Variants in KIF18A observed in about 807,000 individuals in gnomAD.
The protein encoded by KIF18A is kinesin family member 18A, also known as kinesin-like protein KIF18A.
In KIF18A, 67 loss-of-function variants were observed where a neutral mutation model predicts 103.3. The ratio of observed to expected loss-of-function variants is 0.65; its 90% CI spans 0.53 to 0.79. The LOEUF is 0.79. Among genes scored for constraint, KIF18A ranks in the 30% least tolerant of loss-of-function variants. KIF18A has a pLI of 0.00. For synonymous variants in KIF18A, 367 were observed against 355.5 expected, an observed-to-expected ratio of 1.03 and a Z score of -0.36; for missense variants, 1,032 against 1,062.5, an observed-to-expected ratio of 0.97 and a Z score of 0.40.
intron 5 of KIF18A, among the ~76,000 whole-genome samples, chr11:28,089,192 G>T (rs1030932138): frequency 6.6e-6 from 1 of 152,098 alleles, no homozygotes; most frequent in African/African-American, 2.4e-5. Flanking sequence ...ACCTGTATAT[G>T]TCCTCATAAT....
At position 28,020,627 on chromosome 11, in the gene KIF18A, A is replaced by C. The variant is rs1447981074; in HGVS notation, c.*573T>G. 1 of 152,026 alleles carries C rather than the reference A, an allele frequency of 6.6e-6. No individual in the cohort carries two copies. Among genetic ancestry groups the C allele is most frequent in the Non-Finnish European group, 1.5e-5 (1 of 67,998 alleles). The allele number at this position is 152,026 out of a possible 1,614,324, so 9.4% of individuals were successfully genotyped here. A position where few individuals can be genotyped will look rare whatever the true frequency, so the allele number is the denominator to read the frequency against. ...GAGACAAGAAAATGAAACACTTTAA[A>C]ATCTACATCTTTAATATATCAAGTA... On this transcript the variant is annotated 3_prime_UTR_variant, in exon 17 of 17. Transcript: ENST00000263181.
At chr11:28,084,886 T>TG (rs1195285012) in intron 6 of KIF18A, 78 bp from the exon 7 acceptor site, 4 of 1,112,942 alleles carry the variant, frequency 3.6e-6, no homozygotes, top group African/African-American at 3.1e-5. Flanking sequence ...CACTTCACTG[T>TG]GGGGGGAGGA....
chr11:28,069,382 A>C lies in KIF18A; in HGVS notation c.1467T>G (p.Thr489=), dbSNP rs1168074770. The stretch of plus-strand genomic sequence containing the variant: ...TCCTTTTCTCCAGGTAGGAGCGACG[A>C]GTTTTCAACATTGCAAGTCTATGAT... ...KRDHRLAMLK[T]RRSYLEKRRE... is the part of the protein sequence containing the mutation. The change falls in exon 11 of 17, where the codon ACT becomes ACG. Residue 489 remains threonine (T), a synonymous_variant. Coordinates refer to ENST00000263181, the MANE Select transcript of KIF18A (RefSeq NM_031217.4). The C allele has an allele frequency of 6.2e-7, 1 of 1,613,760 alleles. No individual in the cohort carries two copies. Among genetic ancestry groups the C allele is most frequent in the Non-Finnish European group, 8.5e-7 (1 of 1,179,802 alleles).
intron 11 of KIF18A, among the ~76,000 whole-genome samples, chr11:28,064,318 C>G (rs540784029): frequency 6.6e-6 from 1 of 151,890 alleles, no homozygotes; most frequent in South Asian, 2.1e-4. Flanking sequence ...AAATATATGC[C>G]CTTTATGGAG....
chr11:28,079,910 C>CTTTCTTTT (rs1356014335), intron 9 of KIF18A, among the ~76,000 whole-genome samples: 2 of 152,066 alleles, frequency 1.3e-5, no homozygotes, highest in Non-Finnish European at 2.9e-5. Context: ...TACTGTATTA[C>CTTTCTTTT]TAACTGCTTT....
intron 13 of KIF18A, among the ~76,000 whole-genome samples, chr11:28,058,189 AAG>A (rs2133524615): frequency 6.6e-6 from 1 of 152,232 alleles, no homozygotes; most frequent in Non-Finnish European, 1.5e-5. Context: ...TTATGAGAGA[AAG>A]AGAAATATCA....
intron 13 of KIF18A, among the ~76,000 whole-genome samples, chr11:28,052,438 T>C (rs1183467030): frequency 2.0e-5 from 3 of 151,690 alleles, no homozygotes; most frequent in Non-Finnish European, 4.4e-5. Flanking sequence ...TCACCAGCCT[T>C]TGAATATGTC....
At chr11:28,103,750 A>G (rs1369005464) in intron 1 of KIF18A, among the ~76,000 whole-genome samples, 1 of 152,154 alleles carries the variant, frequency 6.6e-6, no homozygotes, top group Admixed American at 6.5e-5. Context: ...AAGAAAATGT[A>G]TATCTCCAAG....
chr11:28,068,607 CCCT>C (rs1850968698), intron 11 of KIF18A, among the ~76,000 whole-genome samples: 1 of 151,942 alleles, frequency 6.6e-6, no homozygotes, highest in Non-Finnish European at 1.5e-5. Flanking sequence ...ATATAGACAT[CCCT>C]CCTCCTTTCT....
intron 4 of KIF18A, 26 bp from the exon 5 acceptor site, chr11:28,090,753 A>C (rs748775570): frequency 5.2e-6 from 6 of 1,164,576 alleles, no homozygotes; most frequent in African/African-American, 1.5e-5. Context: ...TAGAAGCAAA[A>C]TTTAAAAATC....
intron 16 of KIF18A, among the ~76,000 whole-genome samples, chr11:28,022,469 A>G (rs932490677): frequency 5.9e-5 from 9 of 152,104 alleles, no homozygotes; most frequent in Admixed American, 5.2e-4. Context: ...GGGTTTCACC[A>G]TGTTAGCCAG....
At position 28,036,166 on chromosome 11, in the gene KIF18A, T is replaced by C. The variant is rs774245289; in HGVS notation, c.2396+51A>G. 12 of 1,217,262 alleles carry C rather than the reference T, an allele frequency of 9.9e-6. No individual in the cohort carries two copies. In the Admixed American group the frequency reaches 1.5e-4, roughly 15 times the overall value. The allele number at this position is 1,217,262 out of a possible 1,614,324, so 75.4% of individuals were successfully genotyped here. On this transcript the variant is annotated intron_variant, in intron 14 of 16. Coordinates refer to ENST00000263181, the MANE Select transcript of KIF18A (RefSeq NM_031217.4). ...TTATGAAATAAACCTCAACTAATAGTTGAAAGTCTATGTTAAAAAAAAAGA... is the reference window on the plus strand; with the variant it reads ...TTATGAAATAAACCTCAACTAATAGCTGAAAGTCTATGTTAAAAAAAAAGA...
chr11:28,097,300 A>T (rs1195930112), intron 2 of KIF18A: 1 of 208,882 alleles, frequency 4.8e-6, no homozygotes, highest in African/African-American at 2.3e-5. Flanking sequence ...CTGTAGGAAA[A>T]GTTATAAATA....
intron 16 of KIF18A, 35 bp from the exon 17 acceptor site, chr11:28,021,317 A>G: frequency 7.6e-7 from 1 of 1,309,916 alleles, no homozygotes; most frequent in Non-Finnish European, 9.9e-7. Flanking sequence ...TAAATATGGC[A>G]TAAATATCAT....
chr11:28,057,176 CAG>C (rs768137250), intron 13 of KIF18A, among the ~76,000 whole-genome samples: 8 of 152,110 alleles, frequency 5.3e-5, no homozygotes, highest in Non-Finnish European at 7.4e-5. Context: ...GGATACCTGA[CAG>C]GGGATGAATT....
chr11:28,092,841 T>A (rs1485369564), intron 3 of KIF18A, among the ~76,000 whole-genome samples: 3 of 152,216 alleles, frequency 2.0e-5, no homozygotes, highest in Non-Finnish European at 4.4e-5. Context: ...GAAATATTTT[T>A]AAATCATATC....
intron 1 of KIF18A, among the ~76,000 whole-genome samples, chr11:28,107,539 C>G (rs1231793222): frequency 2.0e-5 from 3 of 152,168 alleles, no homozygotes; most frequent in Non-Finnish European, 4.4e-5. Flanking sequence ...GCTTTTATCT[C>G]GATGCTACCT....
At position 28,021,252 on chromosome 11, in the gene KIF18A, GGATTT is replaced by G. The variant is rs1565066133; in HGVS notation, c.2640_2644del (p.Asn881LysfsTer4). The G allele has an allele frequency of 6.7e-7, 1 of 1,488,060 alleles. No homozygotes were observed. Among genetic ancestry groups the G allele is most frequent in the Non-Finnish European group, 9.0e-7 (1 of 1,110,142 alleles). The allele number at this position is 1,488,060 out of a possible 1,614,324, so 92.2% of individuals were successfully genotyped here. On this transcript the variant is annotated frameshift_variant, in exon 17 of 17. Transcript: ENST00000263181. LOFTEE classifies it high-confidence loss of function. ...TCTTCCAAATTTTCTAACCATGCTT[GGATTT>G]ATTTTACAGATGTTTCTTTTATGTT...
chr11:28,063,537 C>T (rs1321576572), intron 11 of KIF18A, among the ~76,000 whole-genome samples: 1 of 151,882 alleles, frequency 6.6e-6, no homozygotes, highest in African/African-American at 2.4e-5. Context: ...GGCCAGGTGT[C>T]CTGTAATCTA....
Sources: gnomAD v4.1 joint callset for allele counts (sites outside exome capture counted in the v4.1 genomes callset) on GRCh38, gnomAD v4.1.1 for gene constraint, MANE v1.5 for transcripts, NCBI Gene and HGNC (gene_info 2026-07-23, HGNC 2026-07-21) for gene names.